DCC: variants seen among roughly 807,000 people sequenced by gnomAD.
DCC encodes DCC netrin 1 receptor, also known as netrin receptor DCC.
In DCC, 58 loss-of-function variants were observed where a neutral mutation model predicts 172.5. The observed-to-expected ratio is 0.34, with a 90% CI of 0.27 to 0.42. DCC has a LOEUF of 0.42. Ranked by LOEUF, DCC falls within the 10% of genes least tolerant of loss-of-function variation. The pLI, the probability that DCC is intolerant of heterozygous loss-of-function variation, is 1.00. For synonymous variants in DCC, 709 were observed against 644.5 expected, an observed-to-expected ratio of 1.10 and a Z score of -1.52; for missense variants, 1,740 against 1,791.0, an observed-to-expected ratio of 0.97 and a Z score of 0.51.
chr18:52,923,290 C>T (rs1207299460), intron 3 of DCC, among the ~76,000 whole-genome samples: 1 of 152,078 alleles, frequency 6.6e-6, no homozygotes, highest in African/African-American at 2.4e-5. Context: ...ATTTGTTTCT[C>T]TTATTTTCCA....
intron 2 of DCC, among the ~76,000 whole-genome samples, chr18:52,789,452 G>T (rs1279377676): frequency 3.3e-5 from 5 of 152,034 alleles, no homozygotes; most frequent in Non-Finnish European, 5.9e-5. Context: ...CAAACATAAA[G>T]GCCTTTTAAA....
chr18:52,396,285 C>T (rs1396022790), intron 1 of DCC, among the ~76,000 whole-genome samples: 1 of 135,334 alleles, frequency 7.4e-6, no homozygotes, highest in African/African-American at 2.7e-5. Flanking sequence ...CACCACACCC[C>T]CCCCCCACCC....
rs1475663888 is a variant in DCC at position 52,929,860 on chromosome 18, ACACT to A, written c.985+4494_985+4497del. ...CACACACACACACACACACACACAC[ACACT>A]CACGTTTGTTTTCTCCATATAAGTG... On this transcript the variant is annotated intron_variant, in intron 5 of 28. Coordinates refer to ENST00000442544, the MANE Select transcript of DCC (RefSeq NM_005215.4). Among the ~76,000 whole-genome samples, 358 of 124,966 alleles carry A rather than the reference ACACT, an allele frequency of 2.9e-3. 4 individuals carry two copies. The highest frequency in any genetic ancestry group is 0.018 in the Admixed American group (215 of 12,044). 82.0% of individuals were successfully genotyped at this position (124,966 alleles called of 152,430 possible). A position where few individuals can be genotyped will look rare whatever the true frequency, so the allele number is the denominator to read the frequency against.
chr18:53,329,357 G>A (rs996599496), intron 14 of DCC, among the ~76,000 whole-genome samples: 7 of 151,926 alleles, frequency 4.6e-5, no homozygotes, highest in Admixed American at 1.3e-4. Flanking sequence ...TATAAATGGT[G>A]TTATTGAATA....
chr18:53,435,263 T>G (rs1568130800), intron 22 of DCC, 54 bp downstream of exon 22: 2 of 1,249,118 alleles, frequency 1.6e-6, no homozygotes, highest in East Asian at 2.3e-5. Context: ...AAATGGTTAA[T>G]TCAAGAGTGT....
chr18:53,328,672 T>C (rs1280343461), intron 14 of DCC, among the ~76,000 whole-genome samples: 1 of 152,124 alleles, frequency 6.6e-6, no homozygotes, highest in Non-Finnish European at 1.5e-5. Flanking sequence ...GTAGCTATGA[T>C]TACAGGCATC....
At chr18:52,738,021 T>C (rs1261036632) in intron 1 of DCC, among the ~76,000 whole-genome samples, 3 of 152,148 alleles carry the variant, frequency 2.0e-5, no homozygotes, top group Non-Finnish European at 2.9e-5. Flanking sequence ...CGGTTTATCA[T>C]TTTTACATTG....
At chr18:53,503,293 C>A (rs1016444737) in intron 27 of DCC, among the ~76,000 whole-genome samples, 1 of 152,172 alleles carries the variant, frequency 6.6e-6, no homozygotes, top group African/African-American at 2.4e-5. Flanking sequence ...AAAACAGATT[C>A]ATTTCCTCAA....
intron 2 of DCC, among the ~76,000 whole-genome samples, chr18:52,832,328 T>C (rs1024992775): frequency 3.9e-5 from 6 of 152,084 alleles, no homozygotes; most frequent in African/African-American, 1.2e-4. Context: ...TTGCTTATAT[T>C]TTGCAAATCT....
At chr18:52,865,914 G>T (rs1434083583) in intron 2 of DCC, among the ~76,000 whole-genome samples, 1 of 146,356 alleles carries the variant, frequency 6.8e-6, no homozygotes, top group South Asian at 2.3e-4. Flanking sequence ...GAGGGAATTT[G>T]TCAATTTTGG....
intron 1 of DCC, among the ~76,000 whole-genome samples, chr18:52,638,105 A>G (rs1598976301): frequency 6.6e-6 from 1 of 152,194 alleles, no homozygotes; most frequent in East Asian, 1.9e-4. Flanking sequence ...TCTTTTTCAG[A>G]CAAACAAATG....
intron 5 of DCC, among the ~76,000 whole-genome samples, chr18:53,031,778 T>G (rs1364385295): frequency 6.6e-6 from 1 of 152,178 alleles, no homozygotes; most frequent in Non-Finnish European, 1.5e-5. Context: ...GAAGGACTCC[T>G]AAGGTTTTGT....
chr18:52,886,189 G>A (rs1259072111), intron 2 of DCC, among the ~76,000 whole-genome samples: 2 of 152,020 alleles, frequency 1.3e-5, no homozygotes, highest in African/African-American at 2.4e-5. Context: ...CATGCCATCC[G>A]AATCTACTGG....
chr18:53,462,635 ACCCTGCC>A (rs1472336648), intron 24 of DCC, among the ~76,000 whole-genome samples: 1 of 152,006 alleles, frequency 6.6e-6, no homozygotes. Flanking sequence ...CTGAAACCGT[ACCCTGCC>A]CCCTGCCCCC....
At chr18:52,853,619 C>A (rs948059523) in intron 2 of DCC, among the ~76,000 whole-genome samples, 1 of 152,162 alleles carries the variant, frequency 6.6e-6, no homozygotes, top group African/African-American at 2.4e-5. Context: ...CTCCAGGAAT[C>A]TGGATGATTG....
chr18:53,481,672 A>G (rs908888194), intron 25 of DCC, among the ~76,000 whole-genome samples: 2 of 152,182 alleles, frequency 1.3e-5, no homozygotes, highest in Admixed American at 1.3e-4. Context: ...CAAATCTCTC[A>G]ATTCTGTCAA....
chr18:52,926,922 T>TATACACACATAC (rs756222061), intron 5 of DCC, among the ~76,000 whole-genome samples: 7,258 of 113,634 alleles, frequency 0.064, 301 homozygotes, highest in South Asian at 0.15. Flanking sequence ...CGTATACATA[T>TATACACACATAC]ATATGTATAT....
At chr18:52,746,316 C>T (rs1437662561) in intron 1 of DCC, among the ~76,000 whole-genome samples, 1 of 152,110 alleles carries the variant, frequency 6.6e-6, no homozygotes, top group Non-Finnish European at 1.5e-5. Flanking sequence ...TTAAGTGATA[C>T]AATTATGCAT....
intron 15 of DCC, among the ~76,000 whole-genome samples, chr18:53,340,683 AAC>A (rs2057649481): frequency 6.6e-6 from 1 of 152,216 alleles, no homozygotes; most frequent in African/African-American, 2.4e-5. Flanking sequence ...TTGTATTATT[AAC>A]ACAGAGAAAT....
Sources: gnomAD v4.1 joint callset for allele counts (sites outside exome capture counted in the v4.1 genomes callset) on GRCh38, gnomAD v4.1.1 for gene constraint, MANE v1.5 for transcripts, NCBI Gene and HGNC (gene_info 2026-07-23, HGNC 2026-07-21) for gene names.